GSR: variants seen among roughly 807,000 people sequenced by gnomAD.
GSR encodes the protein glutathione reductase, mitochondrial.
GSR carries 48 observed loss-of-function variants against 56.5 expected under a neutral mutation model. That is an observed-to-expected ratio of 0.85 (90% CI 0.67 to 1.08). GSR has a LOEUF of 1.08. GSR is among the 50% of genes least tolerant of loss of function. The pLI is 0.00. For missense variants in GSR, 694 were observed against 703.3 expected (o/e 0.99, Z 0.15); for synonymous variants, 264 against 270.8 (o/e 0.97, Z 0.25).
At chr8:30,719,718 G>A (rs961044770) in intron 1 of GSR, among the ~76,000 whole-genome samples, 16 of 152,106 alleles carry the variant, frequency 1.1e-4, no homozygotes, top group Non-Finnish European at 2.1e-4. Context: ...CTAGTGTTCA[G>A]AATCCCGATC....
intron 5 of GSR, among the ~76,000 whole-genome samples, chr8:30,701,100 G>C (rs968032586): frequency 1.3e-5 from 2 of 152,148 alleles, no homozygotes; most frequent in Non-Finnish European, 2.9e-5. Flanking sequence ...CAATAATGCA[G>C]ACAAAGCCTT....
chr8:30,678,066 T>C lies in GSR; in HGVS notation c.*1454A>G, dbSNP rs1375151388. On this transcript the variant is annotated 3_prime_UTR_variant, in exon 13 of 13. Transcript: ENST00000221130. Reference sequence around the variant, plus strand: ...TTAAAGCTCACAGTAACAAATTTTATAAGAAGAAAAGGCTGTAATTTTATT... The same window carrying C: ...TTAAAGCTCACAGTAACAAATTTTACAAGAAGAAAAGGCTGTAATTTTATT... The C allele has an allele frequency of 2.6e-5, 4 of 152,114 alleles. No homozygotes were observed. In the East Asian group the frequency reaches 7.7e-4, roughly 29 times the overall value. The allele number at this position is 152,114 out of a possible 1,614,324, so 9.4% of individuals were successfully genotyped here.
Position 30,722,007 on chromosome 8 carries a change from C to A in GSR, c.306+5523G>T, listed in dbSNP as rs576479972. 6.1e-5 allele frequency among the ~76,000 whole-genome samples: 9 copies of A among 148,728 alleles called. No homozygotes were observed. The South Asian group carries it at 1.9e-3, about 32-fold the overall frequency. ...TTCCAGCCTGGGTGACAGCCAGACTCTGTCTCAAAAAAAAAAAAAAGCATT... is the reference window on the plus strand; with the variant it reads ...TTCCAGCCTGGGTGACAGCCAGACTATGTCTCAAAAAAAAAAAAAAGCATT... On this transcript the variant is annotated intron_variant, in intron 1 of 12. Coordinates refer to ENST00000221130, the MANE Select transcript of GSR (RefSeq NM_000637.5).
At chr8:30,701,127 A>G (rs1803724645) in intron 5 of GSR, among the ~76,000 whole-genome samples, 1 of 152,166 alleles carries the variant, frequency 6.6e-6, no homozygotes, top group Admixed American at 6.6e-5. Context: ...TCAACTGCTG[A>G]TTCCTTCTCT....
chr8:30,680,878 A>G (rs781070768), intron 12 of GSR, 26 bp downstream of exon 12: 5 of 1,608,434 alleles, frequency 3.1e-6, no homozygotes, highest in Admixed American at 1.7e-5. Flanking sequence ...GCAAGGCACT[A>G]TTTAGTTTGC....
intron 10 of GSR, among the ~76,000 whole-genome samples, chr8:30,683,653 G>A (rs1164951922): frequency 6.6e-6 from 1 of 151,836 alleles, no homozygotes; most frequent in African/African-American, 2.4e-5. Flanking sequence ...CTAGCTACTT[G>A]GGAGTCTGAG....
chr8:30,724,689 C>G, intron 1 of GSR, among the ~76,000 whole-genome samples: 1 of 151,972 alleles, frequency 6.6e-6, no homozygotes, highest in East Asian at 1.9e-4. Context: ...GCATGTGCCA[C>G]CACACCCGGC....
chr8:30,692,725 GTCCTGACT>G (rs1475855084), intron 8 of GSR, among the ~76,000 whole-genome samples: 1 of 150,698 alleles, frequency 6.6e-6, no homozygotes, highest in African/African-American at 2.4e-5. Context: ...TGTTCTCGAA[GTCCTGACT>G]TCAAGTGTTC....
At chr8:30,709,278 T>C (rs943770895) in intron 3 of GSR, among the ~76,000 whole-genome samples, 1 of 152,022 alleles carries the variant, frequency 6.6e-6, no homozygotes, top group Admixed American at 6.6e-5. Flanking sequence ...AGTGGGAGGA[T>C]AGCTTGAGCC....
At chr8:30,711,764 C>T (rs1265420340) in intron 2 of GSR, among the ~76,000 whole-genome samples, 1 of 152,072 alleles carries the variant, frequency 6.6e-6, no homozygotes, top group African/African-American at 2.4e-5. Flanking sequence ...ACCCAGGAGG[C>T]AGAGGTTGCG....
chr8:30,724,722 G>A (rs1311754135), intron 1 of GSR, among the ~76,000 whole-genome samples: 7 of 151,896 alleles, frequency 4.6e-5, no homozygotes, highest in Non-Finnish European at 1.0e-4. Flanking sequence ...TTTTAGTAGA[G>A]ACGGAGTTTC....
intron 6 of GSR, among the ~76,000 whole-genome samples, chr8:30,699,191 T>A (rs984647639): frequency 6.6e-6 from 1 of 151,856 alleles, no homozygotes; most frequent in African/African-American, 2.4e-5. Context: ...CTCGGGAGGC[T>A]GAGGTGAAAG....
At chr8:30,694,007 T>G (rs1803471539) in intron 7 of GSR, among the ~76,000 whole-genome samples, 1 of 152,206 alleles carries the variant, frequency 6.6e-6, no homozygotes, top group Non-Finnish European at 1.5e-5. Flanking sequence ...TTTACTTATC[T>G]ATATATAAAT....
At chr8:30,717,004 G>A (rs1248577081) in intron 1 of GSR, among the ~76,000 whole-genome samples, 8 of 152,194 alleles carry the variant, frequency 5.3e-5, no homozygotes, top group Non-Finnish European at 8.8e-5. Context: ...TCGGGAGGCC[G>A]AGGCGGGCAG....
intron 1 of GSR, among the ~76,000 whole-genome samples, chr8:30,717,963 TG>T (rs1242582599): frequency 6.6e-6 from 1 of 151,446 alleles, no homozygotes; most frequent in Non-Finnish European, 1.5e-5. Context: ...TAGCCAGGTG[TG>T]GTGGTGGGTG....
At position 30,700,722 on chromosome 8, in the gene GSR, C is replaced by CAAAAAAA. The variant is rs1563535549; in HGVS notation, c.641-588_641-587insTTTTTTT. Among the ~76,000 whole-genome samples the CAAAAAAA allele has an allele frequency of 5.9e-3, 50 of 8,430 alleles. 1 individual carries two copies. The highest frequency in any genetic ancestry group is 8.4e-3 in the African/African-American group (49 of 5,808). 5.5% of individuals were successfully genotyped at this position (8,430 alleles called of 152,430 possible). On this transcript the variant is annotated intron_variant, in intron 5 of 12. Transcript: ENST00000221130. Reference sequence around the variant, plus strand: ...CTGGGAACAGAGCAAGATTTTGTCTCCAAAAAAAAAAAAAAAAAAAAAAAA... The same window carrying CAAAAAAA: ...CTGGGAACAGAGCAAGATTTTGTCTCAAAAAAACAAAAAAAAAAAAAAAAAAAAAAAA...
Position 30,693,115 on chromosome 8 carries a change from C to T in GSR, c.796-60G>A, listed in dbSNP as rs2128741554. Reference sequence around the variant, plus strand: ...GAAGAAAACTTGAGCAAAGACACACCACAAACTTGGGAGGGAAACTTCAGC... The same window carrying T: ...GAAGAAAACTTGAGCAAAGACACACTACAAACTTGGGAGGGAAACTTCAGC... On this transcript the variant is annotated intron_variant, in intron 7 of 12. Coordinates refer to ENST00000221130, the MANE Select transcript of GSR (RefSeq NM_000637.5). 2.9e-6 allele frequency: 3 copies of T among 1,037,136 alleles called. No individual in the cohort carries two copies. In the South Asian group the frequency reaches 3.8e-5, roughly 13 times the overall value. The allele number at this position is 1,037,136 out of a possible 1,614,324, so 64.2% of individuals were successfully genotyped here.
rs1264452335 is a variant in GSR, at chr8:30,727,515, AC to A, written c.306+14del. The A allele has an allele frequency of 6.5e-7, 1 of 1,534,694 alleles. No homozygotes were observed. The highest frequency in any genetic ancestry group is 1.4e-5 in the African/African-American group (1 of 72,408). On this transcript the variant is annotated intron_variant, in intron 1 of 12. Coordinates refer to ENST00000221130, the MANE Select transcript of GSR (RefSeq NM_000637.5). ...AAAGAGGCGCCCCCCGCCCGAACAAACCGGCGGTACTCACGCAAGTGCCACC... is the reference window on the plus strand; with the variant it reads ...AAAGAGGCGCCCCCCGCCCGAACAAACGGCGGTACTCACGCAAGTGCCACC...
intron 4 of GSR, chr8:30,707,001 G>A (rs1343861070): frequency 1.3e-5 from 2 of 152,178 alleles, no homozygotes; most frequent in South Asian, 2.1e-4. Context: ...CAGGCGTGGT[G>A]GTGCACACCT....
Sources: gnomAD v4.1 joint callset for allele counts (sites outside exome capture counted in the v4.1 genomes callset) on GRCh38, gnomAD v4.1.1 for gene constraint, MANE v1.5 for transcripts, NCBI Gene and HGNC (gene_info 2026-07-23, HGNC 2026-07-21) for gene names.